Variants in AGBL4 observed in about 807,000 individuals in gnomAD.
AGBL4 encodes the protein AGBL carboxypeptidase 4, also known as cytosolic carboxypeptidase 6.
In AGBL4, 58 loss-of-function variants were observed where a neutral mutation model predicts 66.4. The ratio of observed to expected loss-of-function variants is 0.87; its 90% CI spans 0.71 to 1.09. The LOEUF (loss-of-function observed/expected upper bound fraction) is 1.09, where lower values mean the gene tolerates loss of function less well. Among genes scored for constraint, AGBL4 ranks in the 50% least tolerant of loss-of-function variants. The probability of loss-of-function intolerance (pLI) is 0.00; values close to 1 mark genes in which losing one functional copy is unlikely to be tolerated. For missense variants in AGBL4, 579 were observed against 631.0 expected, an observed-to-expected ratio of 0.92 and a Z score of 0.88; for synonymous variants, 234 against 222.9, an observed-to-expected ratio of 1.05 and a Z score of -0.44.
chr1:49,100,903 G>T (rs1645189095), intron 4 of AGBL4, among the ~76,000 whole-genome samples: 1 of 152,160 alleles, frequency 6.6e-6, no homozygotes, highest in Admixed American at 6.5e-5. Flanking sequence ...CCATGCTGCA[G>T]ATAAGGATGC....
chr1:49,536,208 T>C (rs1041605283), intron 3 of AGBL4, among the ~76,000 whole-genome samples: 2 of 152,102 alleles, frequency 1.3e-5, no homozygotes, highest in Non-Finnish European at 2.9e-5. Context: ...AAAAGAACAA[T>C]GAGTACTTTA....
At chr1:49,531,529 T>C (rs907466744) in intron 3 of AGBL4, among the ~76,000 whole-genome samples, 2 of 152,182 alleles carry the variant, frequency 1.3e-5, no homozygotes, top group African/African-American at 4.8e-5. Flanking sequence ...ATTGTGACTT[T>C]TTAAAAATAA....
At chr1:48,823,862 A>G (rs1217733512) in intron 6 of AGBL4, among the ~76,000 whole-genome samples, 1 of 152,222 alleles carries the variant, frequency 6.6e-6, no homozygotes, top group Non-Finnish European at 1.5e-5. Context: ...TCATCTCTGA[A>G]TTAAGGAACC....
At chr1:48,735,523 GAAGT>G (rs561009171) in intron 6 of AGBL4, among the ~76,000 whole-genome samples, 56 of 138,770 alleles carry the variant, frequency 4.0e-4, no homozygotes, top group African/African-American at 1.4e-3. Context: ...AGAAAGGAAG[GAAGT>G]AAGGAAGGAA....
intron 3 of AGBL4, among the ~76,000 whole-genome samples, chr1:49,500,420 T>A (rs1289937999): frequency 6.7e-6 from 1 of 150,262 alleles, no homozygotes; most frequent in African/African-American, 2.4e-5. Flanking sequence ...TTTTTTTGCA[T>A]TTGCTTTTGG....
Position 49,912,538 on chromosome 1 carries a change from T to C in AGBL4, c.35-61020A>G, listed in dbSNP as rs560863624. Among the ~76,000 whole-genome samples the C allele has an allele frequency of 2.5e-4, 38 of 152,362 alleles. No individual in the cohort carries two copies. In the South Asian group the frequency reaches 7.7e-3, roughly 31 times the overall value. ...ACCCTATGAGCTACATATTCCCATT[T>C]TATCAGAAACTGGAGTACAGATTGA... On this transcript the variant is annotated intron_variant, in intron 1 of 13. Coordinates refer to ENST00000371839, the MANE Select transcript of AGBL4 (RefSeq NM_032785.4).
chr1:49,043,904 T>G (rs745716251), intron 5 of AGBL4, among the ~76,000 whole-genome samples: 5 of 152,192 alleles, frequency 3.3e-5, no homozygotes, highest in Non-Finnish European at 5.9e-5. Context: ...GTCTCACTTT[T>G]ATGTGAAACT....
intron 4 of AGBL4, among the ~76,000 whole-genome samples, chr1:49,176,956 GC>G (rs1646843654): frequency 1.3e-5 from 2 of 152,088 alleles, no homozygotes; most frequent in African/African-American, 4.8e-5. Context: ...AAAAGAAAAG[GC>G]TAGTCAGGAA....
At chr1:50,000,706 G>A (rs1257698701) in intron 1 of AGBL4, among the ~76,000 whole-genome samples, 1 of 151,826 alleles carries the variant, frequency 6.6e-6, no homozygotes, top group Non-Finnish European at 1.5e-5. Flanking sequence ...AAGAAAATAT[G>A]GTATATATAC....
intron 3 of AGBL4, among the ~76,000 whole-genome samples, chr1:49,433,744 A>G (rs1645839647): frequency 6.6e-6 from 1 of 152,156 alleles, no homozygotes; most frequent in Non-Finnish European, 1.5e-5. Context: ...TATTTGGTAT[A>G]TTGAAGCCTA....
chr1:49,180,637 A>T (rs1646914400), intron 4 of AGBL4, among the ~76,000 whole-genome samples: 1 of 152,164 alleles, frequency 6.6e-6, no homozygotes, highest in Non-Finnish European at 1.5e-5. Context: ...AGTACAGAAG[A>T]TACTGATCCA....
chr1:48,573,692 G>C (rs192572301), intron 11 of AGBL4, among the ~76,000 whole-genome samples: 51 of 152,284 alleles, frequency 3.3e-4, no homozygotes, highest in Admixed American at 9.8e-4. Context: ...GGAATCTTAA[G>C]AACCCTTCAT....
chr1:49,198,689 G>A (rs1338180450), intron 4 of AGBL4, among the ~76,000 whole-genome samples: 1 of 151,946 alleles, frequency 6.6e-6, no homozygotes, highest in Non-Finnish European at 1.5e-5. Flanking sequence ...GGTGAGGTAT[G>A]CTGGAAAAGC....
chr1:49,192,761 T>C (rs571811034), intron 4 of AGBL4, among the ~76,000 whole-genome samples: 1 of 152,320 alleles, frequency 6.6e-6, no homozygotes, highest in South Asian at 2.1e-4. Flanking sequence ...CTTCTTTCAC[T>C]ACTTGATACT....
intron 5 of AGBL4, among the ~76,000 whole-genome samples, chr1:48,978,436 C>T (rs1236727478): frequency 1.3e-5 from 2 of 152,122 alleles, no homozygotes; most frequent in South Asian, 2.1e-4. Context: ...CTGTTGGGTC[C>T]AGCTTCCAGC....
At chr1:48,689,963 G>A (rs994272550) in intron 6 of AGBL4, among the ~76,000 whole-genome samples, 1 of 152,208 alleles carries the variant, frequency 6.6e-6, no homozygotes, top group Non-Finnish European at 1.5e-5. Flanking sequence ...TGGTCTGGAA[G>A]CCTCTGAGCC....
At chr1:49,278,572 C>G (rs1464620851) in intron 3 of AGBL4, among the ~76,000 whole-genome samples, 1 of 152,118 alleles carries the variant, frequency 6.6e-6, no homozygotes, top group Non-Finnish European at 1.5e-5. Context: ...CAACCATATT[C>G]TTTCATCCAG....
chr1:48,973,546 C>T (rs1659079941), intron 5 of AGBL4, among the ~76,000 whole-genome samples: 1 of 152,110 alleles, frequency 6.6e-6, no homozygotes, highest in South Asian at 2.1e-4. Flanking sequence ...TAGAACAGGG[C>T]CTTCCACTGA....
intron 5 of AGBL4, among the ~76,000 whole-genome samples, chr1:48,975,548 G>A (rs116488986): frequency 0.011 from 1,610 of 152,198 alleles, 13 homozygotes; most frequent in Non-Finnish European, 0.017. Flanking sequence ...CGATAAAGAT[G>A]AAACATCTGA....
Sources: gnomAD v4.1 joint callset for allele counts (sites outside exome capture counted in the v4.1 genomes callset) on GRCh38, gnomAD v4.1.1 for gene constraint, MANE v1.5 for transcripts, NCBI Gene and HGNC (gene_info 2026-07-23, HGNC 2026-07-21) for gene names.